Variants in AATK observed in about 807,000 individuals in gnomAD.
AATK encodes the protein lemur tail kinase 1.
Under a neutral mutation model 114.3 loss-of-function variants are expected in AATK, and 91 were observed. That is an observed-to-expected ratio of 0.80 (90% CI 0.67 to 0.95). The LOEUF is 0.95. AATK is among the 40% of genes least tolerant of loss of function. AATK has a pLI of 0.00. For synonymous variants in AATK, 1,075 were observed against 916.5 expected (o/e 1.17, Z -3.12); for missense variants, 2,176 against 1,965.2 (o/e 1.11, Z -2.03).
chr17:81,119,643 CCACA>C, intron 12 of AATK, 63 bp from the exon 13 acceptor site: 1 of 1,300,590 alleles, frequency 7.7e-7, no homozygotes, highest in South Asian at 1.5e-5. Context: ...GGCCCCGCTC[CCACA>C]GTCACGGGCC....
intron 1 of AATK, among the ~76,000 whole-genome samples, chr17:81,159,060 G>A (rs1270204369): frequency 6.6e-6 from 1 of 152,220 alleles, no homozygotes; most frequent in Non-Finnish European, 1.5e-5. Context: ...CCAGGGCTGG[G>A]GGCAGGGGAT....
chr17:81,119,866 CGCCTCCCACACAGCACGGACCAGGCCCT>C (rs2060674614), intron 12 of AATK, 42 bp downstream of exon 12: 2 of 1,392,882 alleles, frequency 1.4e-6, no homozygotes, highest in Non-Finnish European at 1.9e-6. Flanking sequence ...CATTAGGCCC[CGCCTCCCACACAGCACGGACCAGGCCCT>C]GCCTCCCGTG....
chr17:81,124,807 C>G lies in AATK; in HGVS notation c.882G>C (p.Leu294=). The G allele has an allele frequency of 6.2e-7, 1 of 1,612,636 alleles. No homozygotes were observed. The highest frequency in any genetic ancestry group is 8.5e-7 in the Non-Finnish European group (1 of 1,179,746). ...CCACCAGCTCTGGCGCGATCCAGCG[C>G]AGAGGCACCCACAGCTGGTCGGCAG... ...FVTADQLWVP[L]RWIAPELVDE... Residue 294 remains leucine, a synonymous_variant, in exon 9 of 14, where the codon CTG becomes CTC. Coordinates refer to ENST00000326724, the MANE Select transcript of AATK (RefSeq NM_001080395.3).
intron 1 of AATK, among the ~76,000 whole-genome samples, chr17:81,155,085 C>T (rs564525835): frequency 9.8e-5 from 15 of 152,302 alleles, no homozygotes; most frequent in Admixed American, 7.8e-4. Context: ...TTTGACTCCA[C>T]GGATGTGCAT....
At chr17:81,150,236 G>GT (rs2061277242) in intron 1 of AATK, among the ~76,000 whole-genome samples, 1 of 151,926 alleles carries the variant, frequency 6.6e-6, no homozygotes, top group Admixed American at 6.5e-5. Flanking sequence ...GCTGTTTGCT[G>GT]TAAGATGGTT....
At chr17:81,131,300 C>CCAGGG (rs2060927384) in intron 2 of AATK, 95 bp from the exon 3 acceptor site, 5 of 1,445,434 alleles carry the variant, frequency 3.5e-6, no homozygotes, top group Non-Finnish European at 4.6e-6. Flanking sequence ...GGCCGAGCTC[C>CCAGGG]CAGGGCAGGG....
At chr17:81,159,297 A>G (rs1483731801) in intron 1 of AATK, among the ~76,000 whole-genome samples, 1 of 152,068 alleles carries the variant, frequency 6.6e-6, no homozygotes, top group African/African-American at 2.4e-5. Flanking sequence ...ACAGAGAGCG[A>G]GCGAGATCCC....
At position 81,121,549 on chromosome 17, in the gene AATK, A is replaced by G; in HGVS notation, c.2387T>C (p.Leu796Pro). ...AEGTTGPRLP[L>P]PSVPSPSQEG... is the part of the protein sequence containing the mutation. ...CTGGGATGGGGAGGGGACGGAAGGA[A>G]GGGGCAGGCGGGGTCCGGTAGTGCC... Residue 796 changes from leucine (L) to proline (P), a missense_variant, in exon 11 of 14, where the codon CTT becomes CCT. This residue lies in a region of AATK where 1,701 missense variants were observed against 1,394.7 expected (regional missense o/e 1.22). Coordinates refer to ENST00000326724, the MANE Select transcript of AATK (RefSeq NM_001080395.3). 6.5e-7 allele frequency: 1 copy of G among 1,532,218 alleles called. No homozygotes were observed. Among genetic ancestry groups the G allele is most frequent in the Non-Finnish European group, 8.8e-7 (1 of 1,138,574 alleles). 94.9% of individuals were successfully genotyped at this position (1,532,218 alleles called of 1,614,324 possible).
At chr17:81,158,327 C>A (rs375295672) in intron 1 of AATK, among the ~76,000 whole-genome samples, 1 of 152,236 alleles carries the variant, frequency 6.6e-6, no homozygotes, top group East Asian at 1.9e-4. Flanking sequence ...GGGACACCTG[C>A]CTCTGGGCCA....
chr17:81,130,574 C>T (rs2060914499), intron 3 of AATK, among the ~76,000 whole-genome samples: 1 of 152,198 alleles, frequency 6.6e-6, no homozygotes, highest in Non-Finnish European at 1.5e-5. Flanking sequence ...CAGCGCCCCT[C>T]CTCCTGCCAT....
Position 81,126,497 on chromosome 17 carries a change from T to A in AATK, c.685A>T (p.Thr229Ser). ...ACCTCACAGGCCATGCGCTGCAGGGTCCGGGGGTCGGGAGCCATGGACTCC... is the reference window on the plus strand; with the variant it reads ...ACCTCACAGGCCATGCGCTGCAGGGACCGGGGGTCGGGAGCCATGGACTCC... ...VAESMAPDPR[T>S]LQRMACEVAC... The change falls in exon 7 of 14, where the codon ACC becomes TCC. Residue 229 changes from threonine (T) to serine (S), a missense_variant. By Grantham distance (58) the Thr-to-Ser change is moderately conservative. Around this residue, in one of 4 missense-constraint regions of AATK, gnomAD observed 273 missense variants for 344.1 expected, o/e 0.79. Transcript: ENST00000326724. The surrounding 1 kb of genome is among the most constrained non-coding windows in gnomAD (Gnocchi z 5.1). 1 of 1,552,132 alleles carries A rather than the reference T, an allele frequency of 6.4e-7. No homozygotes were observed. Among genetic ancestry groups the A allele is most frequent in the Non-Finnish European group, 8.7e-7 (1 of 1,147,868 alleles).
intron 1 of AATK, among the ~76,000 whole-genome samples, chr17:81,139,701 C>A (rs757208664): frequency 9.9e-5 from 15 of 152,230 alleles, no homozygotes; most frequent in Non-Finnish European, 2.2e-4. Flanking sequence ...ACCCTGGTGA[C>A]CCCTGCTGAT....
At chr17:81,145,099 G>A (rs1211209232) in intron 1 of AATK, among the ~76,000 whole-genome samples, 1 of 152,110 alleles carries the variant, frequency 6.6e-6, no homozygotes, top group Non-Finnish European at 1.5e-5. Context: ...CAGGTGTGGT[G>A]GCAGGTGCCT....
rs1179481378 is a variant in AATK at position 81,121,471 on chromosome 17, G to T, written c.2465C>A (p.Ala822Asp). 7.0e-6 allele frequency: 11 copies of T among 1,577,582 alleles called. No homozygotes were observed. Among genetic ancestry groups the T allele is most frequent in the Middle Eastern group, 1.7e-4 (1 of 5,980 alleles). ...AGCAGGCGTGGGAGAGTCAGGCAGG[G>T]CATCAGGGGCGTCGGGGGCACTGGC... ...EEASAPDAPD[A>D]LPDSPTPATG... The change falls in exon 11 of 14, where the codon GCC (alanine) becomes GAC (aspartate). Residue 822 changes from alanine to aspartate, a missense_variant. By Grantham distance (126) the Ala-to-Asp change is moderately radical. This residue lies in a region of AATK where 1,701 missense variants were observed against 1,394.7 expected (regional missense o/e 1.22). Transcript: ENST00000326724.
At chr17:81,156,411 G>T (rs112530768) in intron 1 of AATK, among the ~76,000 whole-genome samples, 24,317 of 151,690 alleles carry the variant, frequency 0.16, 2,872 homozygotes, top group African/African-American at 0.33. Context: ...GTTTTGTTTT[G>T]TTTTTGAGAC....
intron 1 of AATK, among the ~76,000 whole-genome samples, chr17:81,147,490 A>C (rs2061237863): frequency 6.6e-6 from 1 of 152,278 alleles, no homozygotes; most frequent in Non-Finnish European, 1.5e-5. Context: ...AGGCCTGGTA[A>C]GGTGGCTAAC....
intron 1 of AATK, among the ~76,000 whole-genome samples, chr17:81,156,908 A>G (rs769905561): frequency 9.6e-5 from 12 of 125,452 alleles, no homozygotes; most frequent in East Asian, 2.4e-4. Context: ...CCCCTCCCCA[A>G]CTCAGAAGCA....
chr17:81,165,607 C>T (rs2061477864), intron 1 of AATK: 2 of 1,410,970 alleles, frequency 1.4e-6, no homozygotes, highest in Non-Finnish European at 1.9e-6. Context: ...CCCCCCACAC[C>T]CCCAAGGGCC....
In AATK at chr17:81,123,256, C is replaced by G. The variant is rs933173063; in HGVS notation, c.1050G>C (p.Thr350=). 2.1e-6 allele frequency: 3 copies of G among 1,406,684 alleles called. No individual in the cohort carries two copies. The highest frequency in any genetic ancestry group is 1.9e-6 in the Non-Finnish European group (2 of 1,079,892). 87.1% of individuals were successfully genotyped at this position (1,406,684 alleles called of 1,614,324 possible). A position where few individuals can be genotyped will look rare whatever the true frequency, so the allele number is the denominator to read the frequency against. ...QHSDQQVLAY[T]VREQQLKLPK... ...GCAGCTTGAGCTGCTGCTCCCGGAC[C>G]GTGTACGCCAGCACCTGCTGGTCCG... is the stretch of plus-strand genomic sequence containing the variant. Residue 350 remains threonine, a synonymous_variant, in exon 10 of 14, where the codon ACG becomes ACC. Transcript: ENST00000326724.
Sources: gnomAD v4.1 joint callset for allele counts (sites outside exome capture counted in the v4.1 genomes callset) on GRCh38, gnomAD v4.1.1 for gene constraint, gnomAD v4.1.1 regional missense constraint, Gnocchi (gnomAD v3.1) non-coding constraint, MANE v1.5 for transcripts, NCBI Gene and HGNC (gene_info 2026-07-23, HGNC 2026-07-21) for gene names.